STK32B: variants seen among roughly 807,000 people sequenced by gnomAD.
STK32B encodes the protein serine/threonine-protein kinase 32B.
A neutral mutation model predicts 52.6 loss-of-function variants in STK32B; 43 were observed. The ratio of observed to expected loss-of-function variants is 0.82; its 90% CI spans 0.64 to 1.05. The LOEUF (loss-of-function observed/expected upper bound fraction) is 1.05, where lower values mean the gene tolerates loss of function less well. STK32B is among the 50% of genes least tolerant of loss of function. The probability of loss-of-function intolerance (pLI) is 0.00; values close to 1 mark genes in which losing one functional copy is unlikely to be tolerated. For missense variants in STK32B, 621 were observed against 534.6 expected, an observed-to-expected ratio of 1.16 and a Z score of -1.59; for synonymous variants, 238 against 204.3, an observed-to-expected ratio of 1.17 and a Z score of -1.41.
At chr4:5,322,360 C>T (rs1234178318) in intron 3 of STK32B, among the ~76,000 whole-genome samples, 4 of 152,050 alleles carry the variant, frequency 2.6e-5, no homozygotes, top group Non-Finnish European at 5.9e-5. Flanking sequence ...TTTTAAGAAT[C>T]GCTAGAGGTG....
At chr4:5,245,958 G>A (rs931461260) in intron 3 of STK32B, among the ~76,000 whole-genome samples, 1 of 152,210 alleles carries the variant, frequency 6.6e-6, no homozygotes, top group South Asian at 2.1e-4. Flanking sequence ...AGTCTGAGGA[G>A]CTTCCCTTTG....
chr4:5,335,112 T>C (rs1732560557), intron 4 of STK32B, among the ~76,000 whole-genome samples: 1 of 152,210 alleles, frequency 6.6e-6, no homozygotes, highest in Non-Finnish European at 1.5e-5. Flanking sequence ...GGTCCTGGAC[T>C]CTTTTTTGTT....
intron 3 of STK32B, among the ~76,000 whole-genome samples, chr4:5,317,311 C>CATATAACAT (rs199778975): frequency 0.03 from 713 of 24,046 alleles, 135 homozygotes; most frequent in African/African-American, 0.087. Context: ...TAATATATAA[C>CATATAACAT]ATATGTATAA....
intron 4 of STK32B, among the ~76,000 whole-genome samples, chr4:5,393,564 T>C (rs1268395087): frequency 2.0e-5 from 3 of 152,064 alleles, no homozygotes; most frequent in Non-Finnish European, 4.4e-5. Flanking sequence ...AAAGGCAAAG[T>C]GGAAGCAGGC....
chr4:5,478,593 G>A (rs541531878), intron 11 of STK32B, among the ~76,000 whole-genome samples: 1 of 152,306 alleles, frequency 6.6e-6, no homozygotes, highest in Admixed American at 6.5e-5. Flanking sequence ...TTAGAAAAGA[G>A]AAATCTCCGG....
intron 5 of STK32B, among the ~76,000 whole-genome samples, chr4:5,409,712 GAGCTCAGTAAAGCCC>G (rs1480552790): frequency 6.6e-6 from 1 of 152,110 alleles, no homozygotes; most frequent in East Asian, 1.9e-4. Flanking sequence ...CTCAGCGAAA[GAGCTCAGTAAAGCCC>G]AGAAATGTTG....
chr4:5,209,196 T>C (rs78737827), intron 3 of STK32B, among the ~76,000 whole-genome samples: 5,945 of 152,256 alleles, frequency 0.039, 245 homozygotes, highest in African/African-American at 0.1. Context: ...GGAAGACTTA[T>C]GTGTCAGGAA....
chr4:5,275,255 C>T (rs1727737460), intron 3 of STK32B, among the ~76,000 whole-genome samples: 3 of 152,172 alleles, frequency 2.0e-5, no homozygotes, highest in Admixed American at 1.3e-4. Flanking sequence ...TAGTTACATC[C>T]TGTCTGGCCT....
At chr4:5,081,011 C>CT (rs1383752620) in intron 1 of STK32B, among the ~76,000 whole-genome samples, 2 of 152,070 alleles carry the variant, frequency 1.3e-5, no homozygotes, top group Non-Finnish European at 2.9e-5. Flanking sequence ...GTGAGTTTGG[C>CT]TTTTTTTAGA....
At chr4:5,339,761 C>G (rs1732952071) in intron 4 of STK32B, among the ~76,000 whole-genome samples, 1 of 152,148 alleles carries the variant, frequency 6.6e-6, no homozygotes, top group African/African-American at 2.4e-5. Flanking sequence ...CCTCGATTTT[C>G]TAATCTGAAA....
At chr4:5,303,086 G>A (rs1402185731) in intron 3 of STK32B, among the ~76,000 whole-genome samples, 1 of 151,956 alleles carries the variant, frequency 6.6e-6, no homozygotes, top group Non-Finnish European at 1.5e-5. Flanking sequence ...GTTGATTGAT[G>A]GGCATTTGGG....
rs1178327646 is a variant in STK32B at position 5,394,607 on chromosome 4, T to C, written c.435-3600T>C. 6.6e-6 allele frequency among the ~76,000 whole-genome samples: 1 copy of C among 152,246 alleles called. No individual in the cohort carries two copies. The highest frequency in any genetic ancestry group is 6.5e-5 in the Admixed American group (1 of 15,280). On this transcript the variant is annotated intron_variant, in intron 4 of 11. Coordinates refer to ENST00000282908, the MANE Select transcript of STK32B (RefSeq NM_018401.3). This position sits in a 1 kb window ranked among gnomAD's most constrained non-coding sequence, Gnocchi z 4.2. ...CTAAAGGCTCAAGAATCTGCCAGTC[T>C]GCCTCTGAGTTCTCCCTAGCTCCTT... is the stretch of plus-strand genomic sequence containing the variant.
chr4:5,241,192 G>A (rs926573995), intron 3 of STK32B, among the ~76,000 whole-genome samples: 2 of 151,898 alleles, frequency 1.3e-5, no homozygotes, highest in African/African-American at 4.8e-5. Flanking sequence ...TACTATTTTT[G>A]TCTGCACTGC....
At chr4:5,480,171 T>C (rs1047334459) in intron 11 of STK32B, among the ~76,000 whole-genome samples, 6 of 152,206 alleles carry the variant, frequency 3.9e-5, no homozygotes. Context: ...TTAAGTATTG[T>C]GTCAGACATT....
At position 5,394,428 on chromosome 4, in the gene STK32B, G is replaced by A. The variant is rs867527907; in HGVS notation, c.435-3779G>A. ...TGTGAAAAATAGAGCTGGAGGAAAC[G>A]GTCCTGAAACTGGCTAAACTAAAGG... is the stretch of plus-strand genomic sequence containing the variant. On this transcript the variant is annotated intron_variant, in intron 4 of 11. Coordinates refer to ENST00000282908, the MANE Select transcript of STK32B (RefSeq NM_018401.3). This position sits in a 1 kb window ranked among gnomAD's most constrained non-coding sequence, Gnocchi z 4.2. 9.9e-5 allele frequency among the ~76,000 whole-genome samples: 15 copies of A among 152,146 alleles called. No individual in the cohort carries two copies. Among genetic ancestry groups the A allele is most frequent in the African/African-American group, 3.1e-4 (13 of 41,432 alleles).
At chr4:5,081,562 CT>C (rs1475451357) in intron 1 of STK32B, among the ~76,000 whole-genome samples, 1 of 151,836 alleles carries the variant, frequency 6.6e-6, no homozygotes, top group East Asian at 1.9e-4. Context: ...TTCTTTATTC[CT>C]TTTCATTCTT....
At chr4:5,312,621 AT>A (rs1287615746) in intron 3 of STK32B, among the ~76,000 whole-genome samples, 1 of 151,900 alleles carries the variant, frequency 6.6e-6, no homozygotes, top group Non-Finnish European at 1.5e-5. Context: ...TGAACTCATC[AT>A]TTTTTATGGC....
intron 3 of STK32B, among the ~76,000 whole-genome samples, chr4:5,210,243 CT>C (rs1722829237): frequency 6.6e-6 from 1 of 152,038 alleles, no homozygotes; most frequent in African/African-American, 2.4e-5. Context: ...CTTTCTTCTT[CT>C]TCTTCTCCTC....
chr4:5,203,020 G>A (rs1022171659), intron 3 of STK32B, among the ~76,000 whole-genome samples: 7 of 152,204 alleles, frequency 4.6e-5, no homozygotes, highest in South Asian at 2.1e-4. Flanking sequence ...GTTGCCAGAT[G>A]GGAAACCTGA....
Sources: allele counts gnomAD v4.1 joint callset (sites outside exome capture counted in the v4.1 genomes callset), GRCh38; gene constraint gnomAD v4.1.1; non-coding constraint Gnocchi (gnomAD v3.1); transcripts MANE v1.5; gene names NCBI Gene and HGNC (gene_info 2026-07-23, HGNC 2026-07-21).